Variants in CLEC16A observed in about 807,000 individuals in gnomAD.
The protein encoded by CLEC16A is C-type lectin domain containing 16A.
Under a neutral mutation model 109.5 loss-of-function variants are expected in CLEC16A, and 51 were observed. That is an observed-to-expected ratio of 0.47 (90% CI 0.37 to 0.59). The LOEUF (loss-of-function observed/expected upper bound fraction) is 0.59. Among genes scored for constraint, CLEC16A ranks in the 20% least tolerant of loss-of-function variants. The pLI is 0.00. For missense variants in CLEC16A, 1,339 were observed against 1,394.0 expected (o/e 0.96, Z 0.63); for synonymous variants, 673 against 564.2 (o/e 1.19, Z -2.73).
In CLEC16A at chr16:11,156,967, G is replaced by A. The variant is rs574324717; in HGVS notation, c.2642-9421G>A. On this transcript the variant is annotated intron_variant, in intron 22 of 23. Transcript: ENST00000409790. ...CGGTAGCAAAAGGGGCATTAGACTTGGCAGCCCTCACAGGCAGACCTTCAC... is the reference window on the plus strand; with the variant it reads ...CGGTAGCAAAAGGGGCATTAGACTTAGCAGCCCTCACAGGCAGACCTTCAC... 21 of 562,410 alleles carry A rather than the reference G, an allele frequency of 3.7e-5. No homozygotes were observed. The South Asian group carries it at 5.0e-4, about 13-fold the overall frequency. The allele number at this position is 562,410 out of a possible 1,614,324, so 34.8% of individuals were successfully genotyped here. A position where few individuals can be genotyped will look rare whatever the true frequency, so the allele number is the denominator to read the frequency against.
chr16:11,123,809 C>G lies in CLEC16A; in HGVS notation c.2336C>G (p.Ser779Cys). The G allele has an allele frequency of 2.5e-6, 4 of 1,614,098 alleles. No homozygotes were observed. The highest frequency in any genetic ancestry group is 2.5e-6 in the Non-Finnish European group (3 of 1,179,916). The change falls in exon 21 of 24, where the codon TCC becomes TGC. Residue 779 changes from serine to cysteine, a missense_variant. Physicochemically the swap from Ser to Cys is moderately radical, Grantham distance 112. Around this residue, in one of 3 missense-constraint regions of CLEC16A, gnomAD observed 1,061 missense variants for 1,006.8 expected, o/e 1.05. Coordinates refer to ENST00000409790, the MANE Select transcript of CLEC16A (RefSeq NM_015226.3). ...AACATCACCATCCACAAGCCTGCGT[C>G]CAGCCCCCATTCCAAGCCCTTCCCC... ...ALNITIHKPA[S>C]SPHSKPFPIL...
intron 12 of CLEC16A, among the ~76,000 whole-genome samples, chr16:11,022,988 T>G (rs1285913854): frequency 1.3e-5 from 2 of 149,818 alleles, no homozygotes; most frequent in African/African-American, 4.9e-5. Flanking sequence ...AAAAAAAAAG[T>G]TTAAAATTAT....
At chr16:10,998,159 C>CCAAA (rs751731012) in intron 10 of CLEC16A, among the ~76,000 whole-genome samples, 7 of 152,198 alleles carry the variant, frequency 4.6e-5, no homozygotes, top group Non-Finnish European at 8.8e-5. Flanking sequence ...AAAGCAAGGA[C>CCAAA]CAAAGCCTCA....
intron 10 of CLEC16A, among the ~76,000 whole-genome samples, chr16:10,995,527 T>G: frequency 6.6e-6 from 1 of 152,220 alleles, no homozygotes; most frequent in South Asian, 2.1e-4. Context: ...AGAACATGAC[T>G]GTTCTTTAAA....
intron 22 of CLEC16A, among the ~76,000 whole-genome samples, chr16:11,129,119 C>T (rs1362313619): frequency 1.3e-5 from 2 of 152,216 alleles, no homozygotes; most frequent in Non-Finnish European, 2.9e-5. Flanking sequence ...CCTGCTGCTC[C>T]TCTAAGCTAG....
At chr16:11,176,975 G>A (rs1382118482) in intron 23 of CLEC16A, among the ~76,000 whole-genome samples, 1 of 151,574 alleles carries the variant, frequency 6.6e-6, no homozygotes, top group African/African-American at 2.4e-5. Context: ...TTTTATTTTG[G>A]CCTGACTTAA....
intron 19 of CLEC16A, among the ~76,000 whole-genome samples, chr16:11,088,598 A>C (rs2050135605): frequency 6.6e-6 from 1 of 152,162 alleles, no homozygotes; most frequent in Non-Finnish European, 1.5e-5. Flanking sequence ...AGCCTCGGGC[A>C]GGAAGTGCAC....
rs1320634288 is a variant in CLEC16A at position 11,070,157 on chromosome 16, G to A, written c.2116+9135G>A. Among the ~76,000 whole-genome samples, 9 of 151,554 alleles carry A rather than the reference G, an allele frequency of 5.9e-5. No homozygotes were observed. In the South Asian group the frequency reaches 1.0e-3, roughly 18 times the overall value. ...GCAATCTCCACTCACTGCAAGCTCC[G>A]CCTCCCGGGTTCACACCATTCTCCT... On this transcript the variant is annotated intron_variant, in intron 19 of 23. Coordinates refer to ENST00000409790, the MANE Select transcript of CLEC16A (RefSeq NM_015226.3).
chr16:11,054,698 T>C (rs987127121), intron 18 of CLEC16A, among the ~76,000 whole-genome samples: 8 of 152,244 alleles, frequency 5.3e-5, no homozygotes, highest in Non-Finnish European at 1.2e-4. Context: ...AGGGTGGCTT[T>C]GGCCACTCAT....
chr16:11,171,213 T>C (rs2140988403), intron 23 of CLEC16A, among the ~76,000 whole-genome samples: 1 of 152,228 alleles, frequency 6.6e-6, no homozygotes, highest in East Asian at 1.9e-4. Flanking sequence ...GCCTCTCAGC[T>C]GGAAGGGGGA....
Position 11,115,001 on chromosome 16 carries a change from G to A in CLEC16A, c.2117-5614G>A, listed in dbSNP as rs116870512. 8.3e-4 allele frequency among the ~76,000 whole-genome samples: 126 copies of A among 152,306 alleles called. 1 individual carries two copies. The East Asian group carries it at 0.022, about 26-fold the overall frequency. ...GCTTTGATGTCTCAATTACATTTCTGAAAGCTGTTCCGTTCTGGGGTTTTA... is the reference window on the plus strand; with the variant it reads ...GCTTTGATGTCTCAATTACATTTCTAAAAGCTGTTCCGTTCTGGGGTTTTA... On this transcript the variant is annotated intron_variant, in intron 19 of 23. Coordinates refer to ENST00000409790, the MANE Select transcript of CLEC16A (RefSeq NM_015226.3).
At chr16:10,976,764 C>CT (rs1210599991) in intron 7 of CLEC16A, among the ~76,000 whole-genome samples, 1 of 150,684 alleles carries the variant, frequency 6.6e-6, no homozygotes, top group African/African-American at 2.4e-5. Context: ...GGGCAGGGGC[C>CT]TGGGGGAGGG....
At chr16:11,130,355 G>A (rs186383986) in intron 22 of CLEC16A, among the ~76,000 whole-genome samples, 1 of 152,326 alleles carries the variant, frequency 6.6e-6, no homozygotes, top group East Asian at 1.9e-4. Context: ...ATACTTGGTG[G>A]TTTAGTCCAT....
intron 19 of CLEC16A, among the ~76,000 whole-genome samples, chr16:11,095,435 G>A (rs1049098768): frequency 1.2e-4 from 19 of 152,168 alleles, no homozygotes; most frequent in Admixed American, 1.2e-3. Context: ...TGGTCTGTGT[G>A]TTGGGAATGA....
intron 3 of CLEC16A, among the ~76,000 whole-genome samples, chr16:10,968,883 C>T (rs2042643210): frequency 1.3e-5 from 2 of 151,898 alleles, no homozygotes; most frequent in Non-Finnish European, 2.9e-5. Context: ...TGCACTTTGC[C>T]ATCAATGAAA....
rs78639670 is a variant in CLEC16A, at chr16:11,084,072, G to A, written c.2116+23050G>A. Among the ~76,000 whole-genome samples the A allele has an allele frequency of 4.4e-3, 672 of 152,156 alleles. 5 individuals are homozygous for A. The highest frequency in any genetic ancestry group is 0.031 in the Middle Eastern group (9 of 294). ...CACTGAGCCCTCTCTCCAGCCCCGCGGCCTGGCTCTGGGATGTACCCATAC... is the reference window on the plus strand; with the variant it reads ...CACTGAGCCCTCTCTCCAGCCCCGCAGCCTGGCTCTGGGATGTACCCATAC... On this transcript the variant is annotated intron_variant, in intron 19 of 23. Coordinates refer to ENST00000409790, the MANE Select transcript of CLEC16A (RefSeq NM_015226.3).
At chr16:11,075,674 C>T (rs556274635) in intron 19 of CLEC16A, among the ~76,000 whole-genome samples, 8 of 152,080 alleles carry the variant, frequency 5.3e-5, no homozygotes, top group African/African-American at 1.7e-4. Context: ...TGGGCTCAAG[C>T]GGTCCTCTTG....
chr16:10,998,762 C>A (rs566889888), intron 10 of CLEC16A, among the ~76,000 whole-genome samples: 1 of 152,140 alleles, frequency 6.6e-6, no homozygotes, highest in African/African-American at 2.4e-5. Context: ...GCAGCCTGTC[C>A]GCCCCTGCTC....
intron 11 of CLEC16A, among the ~76,000 whole-genome samples, chr16:11,015,821 C>T (rs1367686673): frequency 6.6e-6 from 1 of 152,226 alleles, no homozygotes; most frequent in Non-Finnish European, 1.5e-5. Flanking sequence ...GAGCTGAGTT[C>T]CCACTGTGTC....
Sources: allele counts gnomAD v4.1 joint callset (sites outside exome capture counted in the v4.1 genomes callset), GRCh38; gene constraint gnomAD v4.1.1; regional missense constraint gnomAD v4.1.1; transcripts MANE v1.5; gene names NCBI Gene and HGNC (gene_info 2026-07-23, HGNC 2026-07-21).